Variants in NELL2 observed in about 807,000 individuals in gnomAD.
The protein encoded by NELL2 is neural EGFL like 2.
Under a neutral mutation model 109.6 loss-of-function variants are expected in NELL2, and 41 were observed. The ratio of observed to expected loss-of-function variants is 0.37; its 90% CI spans 0.29 to 0.49. The LOEUF is 0.49. Among genes scored for constraint, NELL2 ranks in the 20% least tolerant of loss-of-function variants. The probability of loss-of-function intolerance (pLI) is 0.98; values close to 1 mark genes in which losing one functional copy is unlikely to be tolerated. For synonymous variants in NELL2, 355 were observed against 344.7 expected (o/e 1.03, Z -0.33); for missense variants, 900 against 1,008.3 (o/e 0.89, Z 1.45).
At chr12:44,739,796 C>G (rs1284428989) in intron 9 of NELL2, among the ~76,000 whole-genome samples, 1 of 152,098 alleles carries the variant, frequency 6.6e-6, no homozygotes, top group Non-Finnish European at 1.5e-5. Flanking sequence ...GAGACTGAGG[C>G]AGGAGAATCC....
chr12:44,539,903 C>T (rs1000091806), intron 15 of NELL2, among the ~76,000 whole-genome samples: 3 of 152,170 alleles, frequency 2.0e-5, no homozygotes, highest in African/African-American at 7.2e-5. Flanking sequence ...GTAAGTGGAA[C>T]ACTCACTATG....
intron 19 of NELL2, among the ~76,000 whole-genome samples, chr12:44,511,520 T>C (rs1366829209): frequency 6.6e-6 from 1 of 152,138 alleles, no homozygotes; most frequent in Non-Finnish European, 1.5e-5. Context: ...CTCACTGAGG[T>C]GTCAGAGGAC....
intron 12 of NELL2, among the ~76,000 whole-genome samples, chr12:44,671,799 A>G (rs971819659): frequency 6.6e-6 from 1 of 152,206 alleles, no homozygotes; most frequent in Admixed American, 6.5e-5. Context: ...GAAAATCCAA[A>G]GACAAAATGG....
Position 44,520,274 on chromosome 12 carries a change from G to C in NELL2, c.2176-45C>G, listed in dbSNP as rs749181160. 2.0e-6 allele frequency: 3 copies of C among 1,484,868 alleles called. No homozygotes were observed. In the South Asian group the frequency reaches 3.6e-5, roughly 18 times the overall value. The allele number at this position is 1,484,868 out of a possible 1,614,324, so 92.0% of individuals were successfully genotyped here. ...GCAAGGGCAGAGGGAGAGGGAGGAG[G>C]AAATGGAGGGAGGCCAGGAAAAAGC... is the stretch of plus-strand genomic sequence containing the variant. On this transcript the variant is annotated intron_variant, in intron 18 of 19. Transcript: ENST00000429094.
chr12:44,577,482 T>G (rs1203875033), intron 15 of NELL2, among the ~76,000 whole-genome samples: 6 of 134,548 alleles, frequency 4.5e-5, no homozygotes, highest in Non-Finnish European at 7.8e-5. Context: ...TTTTTTTTTT[T>G]TTTTTTTTTT....
At chr12:44,543,698 C>G (rs555142151) in intron 15 of NELL2, among the ~76,000 whole-genome samples, 1 of 152,118 alleles carries the variant, frequency 6.6e-6, no homozygotes, top group South Asian at 2.1e-4. Context: ...AGGCAGAAGC[C>G]ATTATTCCTG....
intron 9 of NELL2, among the ~76,000 whole-genome samples, chr12:44,739,857 T>G (rs1041647679): frequency 1.3e-5 from 2 of 152,126 alleles, no homozygotes; most frequent in Non-Finnish European, 2.9e-5. Flanking sequence ...GCGACTGCAC[T>G]CCAGCATGGG....
intron 19 of NELL2, among the ~76,000 whole-genome samples, chr12:44,511,405 G>C (rs1254272200): frequency 6.6e-6 from 1 of 152,142 alleles, no homozygotes; most frequent in African/African-American, 2.4e-5. Context: ...TTTGAAAGAA[G>C]GAAAATGTAC....
At chr12:44,778,506 A>T (rs917685097) in intron 5 of NELL2, among the ~76,000 whole-genome samples, 1 of 152,186 alleles carries the variant, frequency 6.6e-6, no homozygotes, top group Non-Finnish European at 1.5e-5. Context: ...AATGACCCCC[A>T]GAGTTGTACA....
At chr12:44,649,597 A>C (rs572949772) in intron 13 of NELL2, among the ~76,000 whole-genome samples, 1 of 152,312 alleles carries the variant, frequency 6.6e-6, no homozygotes, top group African/African-American at 2.4e-5. Context: ...GAAGACTGTC[A>C]CAGCATTGAA....
At chr12:44,717,530 G>C (rs1199606183) in intron 9 of NELL2, among the ~76,000 whole-genome samples, 1 of 152,132 alleles carries the variant, frequency 6.6e-6, no homozygotes, top group African/African-American at 2.4e-5. Context: ...GGAAACTCAG[G>C]AGACCGAACG....
chr12:44,671,871 G>A (rs897983689), intron 12 of NELL2, among the ~76,000 whole-genome samples: 2 of 152,190 alleles, frequency 1.3e-5, no homozygotes, highest in African/African-American at 4.8e-5. Context: ...CTGGGCTTAA[G>A]CTTGTGAGCT....
chr12:44,802,493 C>T (rs548416743), intron 3 of NELL2, among the ~76,000 whole-genome samples: 11 of 151,848 alleles, frequency 7.2e-5, no homozygotes, highest in Non-Finnish European at 1.6e-4. Flanking sequence ...TATATCAGTT[C>T]AATACGTGCA....
intron 9 of NELL2, among the ~76,000 whole-genome samples, chr12:44,718,965 C>T (rs1428337681): frequency 6.6e-6 from 1 of 152,160 alleles, no homozygotes; most frequent in Non-Finnish European, 1.5e-5. Context: ...GAGACATTAA[C>T]AACAACTTGG....
chr12:44,731,440 A>C (rs931156395), intron 9 of NELL2, among the ~76,000 whole-genome samples: 1 of 152,156 alleles, frequency 6.6e-6, no homozygotes, highest in African/African-American at 2.4e-5. Flanking sequence ...ATAGCTCAGC[A>C]TATGAAAACC....
rs372043718 is a variant in NELL2, at chr12:44,919,670, C to T, written c.-32+2120G>A. On this transcript the variant is annotated intron_variant, in intron 1 of 9. Transcript: ENST00000552993. ...ACAAGACAAGGAATGCCAAAGATTGCCAACAAAACACTGGAAGCTAGGAAA... is the reference window on the plus strand; with the variant it reads ...ACAAGACAAGGAATGCCAAAGATTGTCAACAAAACACTGGAAGCTAGGAAA... Among the ~76,000 whole-genome samples, 3 of 152,212 alleles carry T rather than the reference C, an allele frequency of 2.0e-5. No individual in the cohort carries two copies. In the South Asian group the frequency reaches 6.2e-4, roughly 32 times the overall value.
intron 1 of NELL2, among the ~76,000 whole-genome samples, chr12:44,908,811 T>C (rs940815829): frequency 1.3e-5 from 2 of 151,994 alleles, no homozygotes; most frequent in Non-Finnish European, 2.9e-5. Context: ...ATGACCACAC[T>C]AGAAAAATAA....
chr12:44,745,252 C>T (rs1415322841), intron 9 of NELL2, among the ~76,000 whole-genome samples: 4 of 137,180 alleles, frequency 2.9e-5, no homozygotes, highest in Admixed American at 6.9e-5. Context: ...AATTCAACAA[C>T]CTTCATGCTA....
At chr12:44,805,967 T>C (rs1484045141) in intron 3 of NELL2, among the ~76,000 whole-genome samples, 1 of 151,888 alleles carries the variant, frequency 6.6e-6, no homozygotes, top group African/African-American at 2.4e-5. Context: ...ATACAAGATT[T>C]TCTTTTTCTT....
Sources: gnomAD v4.1 joint callset for allele counts (sites outside exome capture counted in the v4.1 genomes callset) on GRCh38, gnomAD v4.1.1 for gene constraint, MANE v1.5 for transcripts, NCBI Gene and HGNC (gene_info 2026-07-23, HGNC 2026-07-21) for gene names.